The following PXK variants were observed in gnomAD, a reference collection of about 807,000 sequenced individuals.
PXK encodes PX domain containing serine/threonine kinase like, also known as PX domain-containing protein kinase-like protein.
A neutral mutation model predicts 84.7 loss-of-function variants in PXK; 35 were observed. The ratio of observed to expected loss-of-function variants is 0.41; its 90% CI spans 0.32 to 0.55. The LOEUF (loss-of-function observed/expected upper bound fraction) is 0.55, where lower values mean the gene tolerates loss of function less well. Ranked by LOEUF, PXK falls within the 20% of genes least tolerant of loss-of-function variation. The pLI, the probability that PXK is intolerant of heterozygous loss-of-function variation, is 0.21. For synonymous variants in PXK, 253 were observed against 260.8 expected (o/e 0.97, Z 0.29); for missense variants, 634 against 699.7 (o/e 0.91, Z 1.06).
chr3:58,410,953 G>A (rs921589311), intron 16 of PXK, among the ~76,000 whole-genome samples: 4 of 152,160 alleles, frequency 2.6e-5, no homozygotes, highest in South Asian at 2.1e-4. Context: ...CAAAAGAGAC[G>A]GTAACTGGCA....
intron 3 of PXK, among the ~76,000 whole-genome samples, chr3:58,374,567 A>C (rs1306601896): frequency 5.9e-5 from 9 of 152,168 alleles, no homozygotes; most frequent in Admixed American, 5.9e-4. Flanking sequence ...AAGGAACTCA[A>C]GAAGGGAATC....
In PXK at chr3:58,411,497, G is replaced by A. The variant is rs1184359054; in HGVS notation, c.1465+1338G>A. On this transcript the variant is annotated intron_variant, in intron 16 of 17. Coordinates refer to ENST00000356151, the MANE Select transcript of PXK (RefSeq NM_017771.5). The surrounding 1 kb of genome is among the most constrained non-coding windows in gnomAD (Gnocchi z 4.2). ...AGCCTATCTTCGCCATGGTTGATGGGAGGGACATGGACCGGTCATGGTCAT... is the reference window on the plus strand; with the variant it reads ...AGCCTATCTTCGCCATGGTTGATGGAAGGGACATGGACCGGTCATGGTCAT... Among the ~76,000 whole-genome samples the A allele has an allele frequency of 6.6e-6, 1 of 152,194 alleles. No homozygotes were observed. Among genetic ancestry groups the A allele is most frequent in the African/African-American group, 2.4e-5 (1 of 41,440 alleles).
intron 17 of PXK, among the ~76,000 whole-genome samples, chr3:58,415,559 T>A (rs992657544): frequency 6.6e-6 from 1 of 152,258 alleles, no homozygotes; most frequent in Admixed American, 6.5e-5. Flanking sequence ...CAGGAAGCTC[T>A]CCAAACCCTG....
At chr3:58,423,046 A>G (rs1033249263) in intron 17 of PXK, 2 of 985,262 alleles carry the variant, frequency 2.0e-6, no homozygotes, top group African/African-American at 1.7e-5. Context: ...CTTACCCCCA[A>G]GTGGGCAGAG....
At chr3:58,381,487 G>C in intron 3 of PXK, among the ~76,000 whole-genome samples, 1 of 145,994 alleles carries the variant, frequency 6.8e-6, no homozygotes, top group Non-Finnish European at 1.5e-5. Context: ...AGATAAAACT[G>C]ACGCAGCTGT....
chr3:58,381,248 CAAAAAAA>C (rs34425100), intron 3 of PXK, among the ~76,000 whole-genome samples: 1 of 97,490 alleles, frequency 1.0e-5, no homozygotes. Flanking sequence ...GACTCCGTCT[CAAAAAAA>C]AAAAAAAAAA....
intron 3 of PXK, among the ~76,000 whole-genome samples, chr3:58,378,929 G>T (rs1266047382): frequency 6.6e-6 from 1 of 151,202 alleles, no homozygotes; most frequent in African/African-American, 2.4e-5. Flanking sequence ...ATTATTAGTA[G>T]TAGTAGTATT....
At chr3:58,388,893 C>T (rs535503065) in intron 4 of PXK, among the ~76,000 whole-genome samples, 1 of 152,052 alleles carries the variant, frequency 6.6e-6, no homozygotes, top group African/African-American at 2.4e-5. Flanking sequence ...TCATGCCTCA[C>T]CAGTCTGCTT....
At chr3:58,394,880 A>G in intron 7 of PXK, 118 bp from the exon 8 acceptor site, 1 of 681,520 alleles carries the variant, frequency 1.5e-6, no homozygotes, top group East Asian at 2.6e-5. Flanking sequence ...GAATATCACT[A>G]CATTCGTATG....
In PXK at chr3:58,407,591, C is replaced by G. The variant is rs1464502199; in HGVS notation, c.1231-1333C>G. Among the ~76,000 whole-genome samples the G allele has an allele frequency of 6.6e-6, 1 of 151,894 alleles. No homozygotes were observed. The highest frequency in any genetic ancestry group is 1.5e-5 in the Non-Finnish European group (1 of 67,990). ...TTTTTTTCTTTTGGAGACAGGGGCT[C>G]GTTCTGTTGCTTAGGCTGGAGTGCA... On this transcript the variant is annotated intron_variant, in intron 13 of 17. Coordinates refer to ENST00000356151, the MANE Select transcript of PXK (RefSeq NM_017771.5). The surrounding 1 kb of genome is among the most constrained non-coding windows in gnomAD (Gnocchi z 4.3).
chr3:58,344,259 C>T (rs533299308), intron 1 of PXK, among the ~76,000 whole-genome samples: 9 of 152,302 alleles, frequency 5.9e-5, no homozygotes, highest in East Asian at 3.9e-4. Context: ...AGAGCACTGG[C>T]GTACTACTTA....
rs2107627539 is a variant in PXK, at chr3:58,412,808, G to A, written c.1466-93G>A. 7.7e-7 allele frequency: 1 copy of A among 1,292,188 alleles called. No homozygotes were observed. The highest frequency in any genetic ancestry group is 1.5e-5 in the African/African-American group (1 of 68,548). 80.0% of individuals were successfully genotyped at this position (1,292,188 alleles called of 1,614,324 possible). The stretch of plus-strand genomic sequence containing the variant: ...ACAAGGCTCACACACTAAGCCAAAT[G>A]TAGATTCTCAGACAGCAGTGGGTCC... On this transcript the variant is annotated intron_variant, in intron 16 of 17. Coordinates refer to ENST00000356151, the MANE Select transcript of PXK (RefSeq NM_017771.5). This position sits in a 1 kb window ranked among gnomAD's most constrained non-coding sequence, Gnocchi z 6.2.
At chr3:58,408,655 T>A (rs1046427115) in intron 13 of PXK, among the ~76,000 whole-genome samples, 1 of 152,080 alleles carries the variant, frequency 6.6e-6, no homozygotes, top group Non-Finnish European at 1.5e-5. Flanking sequence ...CCTGAGTAGC[T>A]GGGACTACAG....
chr3:58,389,718 G>A (rs935833357), intron 4 of PXK, among the ~76,000 whole-genome samples: 4 of 151,554 alleles, frequency 2.6e-5, no homozygotes, highest in South Asian at 4.2e-4. Flanking sequence ...GCCAGGCGTC[G>A]GGCAGGTGCA....
chr3:58,424,673 T>G, intron 17 of PXK, 79 bp from the exon 18 acceptor site: 1 of 1,526,360 alleles, frequency 6.6e-7, no homozygotes, highest in Non-Finnish European at 8.8e-7. Flanking sequence ...ACCAGTCCGT[T>G]GTGCTCAGGA....
At chr3:58,335,360 T>C (rs1216373075) in intron 1 of PXK, among the ~76,000 whole-genome samples, 1 of 152,180 alleles carries the variant, frequency 6.6e-6, no homozygotes, top group East Asian at 1.9e-4. Context: ...ATTTTAGCTG[T>C]AAAGTTTGAC....
intron 1 of PXK, among the ~76,000 whole-genome samples, chr3:58,345,111 A>G (rs2097792707): frequency 1.3e-5 from 2 of 152,210 alleles, no homozygotes; most frequent in South Asian, 2.1e-4. Context: ...ATCCTAGTCA[A>G]TATAGCAGCC....
rs570392165 is a variant in PXK at position 58,421,754 on chromosome 3, A to G, written c.1529-2998A>G. On this transcript the variant is annotated intron_variant, in intron 17 of 17. Coordinates refer to ENST00000356151, the MANE Select transcript of PXK (RefSeq NM_017771.5). This position sits in a 1 kb window ranked among gnomAD's most constrained non-coding sequence, Gnocchi z 5.5. ...AGGTTCCCGTGTGGTTTGGTGGAGA[A>G]GATTTTGGGGTGGGTAGAGTAAGTA... 59 of 985,370 alleles carry G rather than the reference A, an allele frequency of 6.0e-5. No homozygotes were observed. The African/African-American group carries it at 9.6e-4, about 16-fold the overall frequency. 61.0% of individuals were successfully genotyped at this position (985,370 alleles called of 1,614,324 possible).
intron 1 of PXK, among the ~76,000 whole-genome samples, chr3:58,363,002 C>T (rs950797250): frequency 1.3e-5 from 2 of 152,144 alleles, no homozygotes; most frequent in Non-Finnish European, 2.9e-5. Flanking sequence ...AGTCATGAGC[C>T]GCTGACTTGG....
Sources: allele counts gnomAD v4.1 joint callset (sites outside exome capture counted in the v4.1 genomes callset), GRCh38; gene constraint gnomAD v4.1.1; non-coding constraint Gnocchi (gnomAD v3.1); transcripts MANE v1.5; gene names NCBI Gene and HGNC (gene_info 2026-07-23, HGNC 2026-07-21).